Variants in OSBPL1A observed in about 807,000 individuals in gnomAD.
The protein encoded by OSBPL1A is oxysterol binding protein like 1A.
A neutral mutation model predicts 137.1 loss-of-function variants in OSBPL1A; 80 were observed. That is an observed-to-expected ratio of 0.58 (90% CI 0.49 to 0.70). The LOEUF is 0.70. Ranked by LOEUF, OSBPL1A falls within the 30% of genes least tolerant of loss-of-function variation. The pLI, the probability that OSBPL1A is intolerant of heterozygous loss-of-function variation, is 0.00. For synonymous variants in OSBPL1A, 365 were observed against 389.7 expected (o/e 0.94, Z 0.75); for missense variants, 970 against 1,129.4 (o/e 0.86, Z 2.02).
chr18:24,262,693 C>T (rs1471478710), intron 15 of OSBPL1A, among the ~76,000 whole-genome samples: 1 of 143,412 alleles, frequency 7.0e-6, no homozygotes, highest in Non-Finnish European at 1.5e-5. Flanking sequence ...AGATACAGGA[C>T]ATTTCCATTA....
chr18:24,311,671 T>C lies in OSBPL1A; in HGVS notation c.1092+313A>G, dbSNP rs554687494. 36 of 312,616 alleles carry C rather than the reference T, an allele frequency of 1.2e-4. 1 individual carries two copies. The Admixed American group carries it at 1.2e-3, about 10-fold the overall frequency. The allele number at this position is 312,616 out of a possible 1,614,324, so 19.4% of individuals were successfully genotyped here. A position where few individuals can be genotyped will look rare whatever the true frequency, so the allele number is the denominator to read the frequency against. ...AAAGGGCATCAAGTCAAGCTATGCA[T>C]GCTCCCCATCCTCGCAGCAACTTTC... On this transcript the variant is annotated intron_variant, in intron 13 of 27. Coordinates refer to ENST00000319481, the MANE Select transcript of OSBPL1A (RefSeq NM_080597.4).
rs754274491 is a variant in OSBPL1A at position 24,225,058 on chromosome 18, C to G, written c.1585G>C (p.Gly529Arg). ...DCGGGDALSNGIKKHRTSLPS... is the reference protein window; with the variant it reads ...DCGGGDALSNRIKKHRTSLPS... ...CGATCCTACCTGTGTTTCTTGATGC[C>G]ATTGGAGAGAGCATCTCCGCCACCA... is the stretch of plus-strand genomic sequence containing the variant. Residue 529 changes from glycine to arginine, a missense_variant, in exon 17 of 28, where the codon GGC becomes CGC. Physicochemically the swap from Gly to Arg is moderately radical, Grantham distance 125. Transcript: ENST00000319481. 4.3e-6 allele frequency: 7 copies of G among 1,614,152 alleles called. No homozygotes were observed. In the Admixed American group the frequency reaches 1.2e-4, roughly 27 times the overall value.
At chr18:24,184,371 G>A (rs1304937279) in intron 18 of OSBPL1A, among the ~76,000 whole-genome samples, 2 of 143,792 alleles carry the variant, frequency 1.4e-5, no homozygotes, top group East Asian at 1.9e-4. Flanking sequence ...CATTAAACAC[G>A]TATTTAACTG....
rs575808031 is a variant in OSBPL1A at position 24,338,959 on chromosome 18, G to A, written c.394+2588C>T. Among the ~76,000 whole-genome samples, 115 of 152,016 alleles carry A rather than the reference G, an allele frequency of 7.6e-4. No homozygotes were observed. In the Middle Eastern group the frequency reaches 0.01, roughly 13 times the overall value. On this transcript the variant is annotated intron_variant, in intron 5 of 27. Coordinates refer to ENST00000319481, the MANE Select transcript of OSBPL1A (RefSeq NM_080597.4). ...GAACTTGTGACCTCGTGATCCACCCGCCTCAGCTTCCCAAAGTGCTGGGAT... is the reference window on the plus strand; with the variant it reads ...GAACTTGTGACCTCGTGATCCACCCACCTCAGCTTCCCAAAGTGCTGGGAT...
At chr18:24,201,703 C>A (rs971432157) in intron 17 of OSBPL1A, among the ~76,000 whole-genome samples, 1 of 151,962 alleles carries the variant, frequency 6.6e-6, no homozygotes, top group Non-Finnish European at 1.5e-5. Context: ...GCAGAGGTTG[C>A]AGTGAGCTGA....
intron 27 of OSBPL1A, 90 bp from the exon 28 acceptor site, chr18:24,163,371 AGC>A: frequency 2.2e-6 from 2 of 898,826 alleles, no homozygotes; most frequent in Non-Finnish European, 3.5e-6. Context: ...ATTCTATTGC[AGC>A]AACTCATTCT....
intron 7 of OSBPL1A, among the ~76,000 whole-genome samples, chr18:24,331,557 C>T (rs370932106): frequency 3.3e-5 from 5 of 151,390 alleles, no homozygotes; most frequent in Non-Finnish European, 5.9e-5. Flanking sequence ...CCACCACGCC[C>T]GGCTAATTTT....
intron 1 of OSBPL1A, among the ~76,000 whole-genome samples, chr18:24,385,099 C>A (rs956421705): frequency 6.6e-6 from 1 of 151,622 alleles, no homozygotes; most frequent in East Asian, 2.0e-4. Flanking sequence ...GGACTACAGG[C>A]GCCCGCCACC....
At chr18:24,393,546 G>A (rs368202042) in intron 1 of OSBPL1A, among the ~76,000 whole-genome samples, 23 of 152,106 alleles carry the variant, frequency 1.5e-4, no homozygotes, top group South Asian at 1.0e-3. Context: ...TCCTCTTCCC[G>A]GGTTCACACC....
intron 1 of OSBPL1A, among the ~76,000 whole-genome samples, chr18:24,381,804 T>C (rs1694428479): frequency 6.7e-6 from 1 of 148,772 alleles, no homozygotes; most frequent in African/African-American, 2.5e-5. Flanking sequence ...CTACTAAAAA[T>C]ACAAAAATTA....
chr18:24,222,556 C>T (rs1352395224), intron 17 of OSBPL1A, among the ~76,000 whole-genome samples: 2 of 152,114 alleles, frequency 1.3e-5, no homozygotes, highest in Non-Finnish European at 2.9e-5. Context: ...CCTGACTACA[C>T]TACGGTGTCC....
intron 4 of OSBPL1A, among the ~76,000 whole-genome samples, chr18:24,365,718 G>A (rs1470603968): frequency 6.6e-6 from 1 of 152,164 alleles, no homozygotes; most frequent in East Asian, 1.9e-4. Context: ...TGGGGTGACA[G>A]AAATGTTCTA....
rs71163675 is a variant in OSBPL1A at position 24,332,385 on chromosome 18, C to CAAAAA, written c.625+552_625+556dup. On this transcript the variant is annotated intron_variant, in intron 7 of 27. Coordinates refer to ENST00000319481, the MANE Select transcript of OSBPL1A (RefSeq NM_080597.4). ...TGGGCAACAGAGAGAGACTCTGTCT[C>CAAAAA]AAAAAAAAAAAAAAAAAAAAAAAAA... Among the ~76,000 whole-genome samples, 140 of 53,014 alleles carry CAAAAA rather than the reference C, an allele frequency of 2.6e-3. 7 individuals are homozygous for CAAAAA. The highest frequency in any genetic ancestry group is 3.4e-3 in the African/African-American group (37 of 10,728). 34.8% of individuals were successfully genotyped at this position (53,014 alleles called of 152,430 possible).
intron 7 of OSBPL1A, among the ~76,000 whole-genome samples, chr18:24,322,149 G>A (rs1466744192): frequency 7.9e-6 from 1 of 126,548 alleles, no homozygotes; most frequent in African/African-American, 3.2e-5. Flanking sequence ...TCCCTCTGTT[G>A]CCCAGGCTGG....
intron 15 of OSBPL1A, among the ~76,000 whole-genome samples, chr18:24,242,945 C>T (rs2088754525): frequency 6.6e-6 from 1 of 152,090 alleles, no homozygotes. Context: ...AAAAGCTGTC[C>T]TACTTCCATC....
At chr18:24,207,342 C>G (rs2087404177) in intron 17 of OSBPL1A, among the ~76,000 whole-genome samples, 1 of 152,232 alleles carries the variant, frequency 6.6e-6, no homozygotes, top group African/African-American at 2.4e-5. Context: ...CCTTGGCCTC[C>G]CAAAGTGTTG....
At chr18:24,396,866 G>A (rs1214014778) in intron 1 of OSBPL1A, among the ~76,000 whole-genome samples, 1 of 152,082 alleles carries the variant, frequency 6.6e-6, no homozygotes, top group African/African-American at 2.4e-5. Context: ...CCTATTACAG[G>A]GCAAAGACTG....
In OSBPL1A at chr18:24,166,575, T is replaced by C; in HGVS notation, c.2659+4A>G. 6.2e-7 allele frequency: 1 copy of C among 1,603,938 alleles called. No individual in the cohort carries two copies. Among genetic ancestry groups the C allele is most frequent in the Non-Finnish European group, 8.5e-7 (1 of 1,176,906 alleles). On this transcript the variant is annotated splice_donor_region_variant and intron_variant, in intron 26 of 27. Coordinates refer to ENST00000319481, the MANE Select transcript of OSBPL1A (RefSeq NM_080597.4). ...CACTGGTGGCTTTGGCGGATGCTAG[T>C]TACCTATCTCTCCATTTTCCATGGC...
At chr18:24,279,389 A>G (rs1054102809) in intron 15 of OSBPL1A, among the ~76,000 whole-genome samples, 2 of 152,080 alleles carry the variant, frequency 1.3e-5, no homozygotes, top group African/African-American at 4.8e-5. Flanking sequence ...TGACTGCGCT[A>G]CTGTACTCCA....
Sources: gnomAD v4.1 joint callset for allele counts (sites outside exome capture counted in the v4.1 genomes callset) on GRCh38, gnomAD v4.1.1 for gene constraint, MANE v1.5 for transcripts, NCBI Gene and HGNC (gene_info 2026-07-23, HGNC 2026-07-21) for gene names.